IKZF1: variants seen among roughly 807,000 people sequenced by gnomAD.
IKZF1 encodes IKAROS family zinc finger 1, also known as DNA-binding protein Ikaros.
A neutral mutation model predicts 51.7 loss-of-function variants in IKZF1; 10 were observed. That is an observed-to-expected ratio of 0.19 (90% CI 0.12 to 0.33). The LOEUF is 0.33. IKZF1 is among the 10% of genes least tolerant of loss of function. The pLI is 1.00. For synonymous variants in IKZF1, 280 were observed against 282.3 expected (o/e 0.99, Z 0.08); for missense variants, 484 against 707.5 (o/e 0.68, Z 3.58).
Position 50,403,213 on chromosome 7 carries a change from G to T in IKZF1, c.*2586G>T, listed in dbSNP as rs189130519. The T allele has an allele frequency of 4.1e-5, 9 of 219,740 alleles. No homozygotes were observed. The highest frequency in any genetic ancestry group is 2.0e-4 in the African/African-American group (9 of 44,666). 13.6% of individuals were successfully genotyped at this position (219,740 alleles called of 1,614,324 possible). ...TTGAAACTATTGTATTTAAAGTAAGGTTTCATATTATGTCAGCAAGTAATT... is the reference window on the plus strand; with the variant it reads ...TTGAAACTATTGTATTTAAAGTAAGTTTTCATATTATGTCAGCAAGTAATT... On this transcript the variant is annotated 3_prime_UTR_variant, in exon 8 of 8. Transcript: ENST00000331340.
chr7:50,348,393 A>G (rs1311505124), intron 3 of IKZF1, among the ~76,000 whole-genome samples: 2 of 152,236 alleles, frequency 1.3e-5, no homozygotes, highest in Admixed American at 1.3e-4. Flanking sequence ...GGCTATTAGC[A>G]GAATTCTCAC....
chr7:50,353,020 A>G (rs1802254858), intron 3 of IKZF1, among the ~76,000 whole-genome samples: 1 of 152,168 alleles, frequency 6.6e-6, no homozygotes, highest in African/African-American at 2.4e-5. Context: ...ATGGCTGTCC[A>G]CGCCTCTTTT....
intron 3 of IKZF1, among the ~76,000 whole-genome samples, chr7:50,334,666 A>G (rs1393572379): frequency 1.4e-5 from 2 of 142,802 alleles, no homozygotes; most frequent in Non-Finnish European, 3.1e-5. Flanking sequence ...TGTAGTGTGT[A>G]TATGTGTGTG....
At chr7:50,390,234 G>A (rs1286177009) in intron 6 of IKZF1, among the ~76,000 whole-genome samples, 1 of 152,178 alleles carries the variant, frequency 6.6e-6, no homozygotes, top group Admixed American at 6.5e-5. Flanking sequence ...GCGCCATGGT[G>A]CAGAGGAAGA....
chr7:50,362,402 C>T (rs532488623), intron 3 of IKZF1, among the ~76,000 whole-genome samples: 25 of 152,194 alleles, frequency 1.6e-4, no homozygotes, highest in Admixed American at 4.6e-4. Flanking sequence ...GCACTGAAGG[C>T]GTTTTCCTGC....
intron 3 of IKZF1, among the ~76,000 whole-genome samples, chr7:50,345,819 C>G (rs1800216188): frequency 6.6e-6 from 1 of 152,194 alleles, no homozygotes; most frequent in Non-Finnish European, 1.5e-5. Flanking sequence ...AGGAGGATCA[C>G]TTGAGGTCAG....
chr7:50,342,294 TCAAA>T (rs1242056819), intron 3 of IKZF1, among the ~76,000 whole-genome samples: 3 of 152,238 alleles, frequency 2.0e-5, no homozygotes, highest in Non-Finnish European at 4.4e-5. Flanking sequence ...TGTGAACATG[TCAAA>T]CAAATCAGTT....
chr7:50,380,636 GC>G (rs925922877), intron 4 of IKZF1, among the ~76,000 whole-genome samples: 46 of 152,336 alleles, frequency 3.0e-4, no homozygotes, highest in African/African-American at 1.1e-3. Context: ...CTCCTGAGAG[GC>G]CACCCTGTCC....
At chr7:50,353,516 C>G (rs1802415947) in intron 3 of IKZF1, among the ~76,000 whole-genome samples, 1 of 152,340 alleles carries the variant, frequency 6.6e-6, no homozygotes, top group Middle Eastern at 3.4e-3. Flanking sequence ...GCCATGCTGT[C>G]ACCCTTATAA....
intron 1 of IKZF1, among the ~76,000 whole-genome samples, chr7:50,315,267 A>G (rs1420220790): frequency 1.3e-5 from 2 of 152,320 alleles, no homozygotes; most frequent in East Asian, 1.9e-4. Context: ...AGGGAGAGAC[A>G]GAGAAAGAGA....
intron 3 of IKZF1, among the ~76,000 whole-genome samples, chr7:50,360,276 G>T (rs79229197): frequency 6.6e-6 from 1 of 152,032 alleles, no homozygotes; most frequent in Admixed American, 6.5e-5. Flanking sequence ...CAGCCCTGGG[G>T]ATGAGAGGGA....
At chr7:50,340,659 C>G (rs1798866323) in intron 3 of IKZF1, among the ~76,000 whole-genome samples, 1 of 152,216 alleles carries the variant, frequency 6.6e-6, no homozygotes, top group Admixed American at 6.5e-5. Flanking sequence ...TGCAATATCT[C>G]TGTGCTCTCC....
At chr7:50,361,881 GA>G (rs972775511) in intron 3 of IKZF1, among the ~76,000 whole-genome samples, 6 of 150,006 alleles carry the variant, frequency 4.0e-5, no homozygotes, top group South Asian at 4.2e-4. Context: ...TCTCAAAAAA[GA>G]AAAAAAAAGC....
chr7:50,311,220 A>T (rs970321984), intron 1 of IKZF1, among the ~76,000 whole-genome samples: 17 of 152,228 alleles, frequency 1.1e-4, no homozygotes, highest in Admixed American at 1.0e-3. Context: ...TGGAGGAAAG[A>T]CTAAATACCC....
intron 3 of IKZF1, among the ~76,000 whole-genome samples, chr7:50,372,558 A>G (rs1562853811): frequency 6.6e-6 from 1 of 152,194 alleles, no homozygotes; most frequent in Non-Finnish European, 1.5e-5. Flanking sequence ...CATTATTTTC[A>G]GTTCCTTGGC....
chr7:50,397,885 G>A (rs1817124852), intron 7 of IKZF1, among the ~76,000 whole-genome samples: 1 of 152,136 alleles, frequency 6.6e-6, no homozygotes, highest in African/African-American at 2.4e-5. Flanking sequence ...ATCAGAGTAT[G>A]TGCCACTTCT....
chr7:50,391,486 A>C (rs1308694535), intron 6 of IKZF1, among the ~76,000 whole-genome samples: 10 of 152,180 alleles, frequency 6.6e-5, no homozygotes, highest in Admixed American at 4.6e-4. Flanking sequence ...GTGCATTTGG[A>C]CTTAAAGAGG....
At chr7:50,303,718 CTG>C (rs1788103599), upstream of IKZF1, among the ~76,000 whole-genome samples, 2 of 152,040 alleles carry the variant, frequency 1.3e-5, no homozygotes, top group South Asian at 4.1e-4. This position sits in a 1 kb window ranked among gnomAD's most constrained non-coding sequence, Gnocchi z 4.7. Context: ...CTCCCAGACA[CTG>C]GGGAAAGTGC....
At chr7:50,337,837 A>G (rs1374442822) in intron 3 of IKZF1, among the ~76,000 whole-genome samples, 1 of 152,150 alleles carries the variant, frequency 6.6e-6, no homozygotes, top group East Asian at 1.9e-4. Context: ...TGTCCCTCCC[A>G]TTGCAGGATA....
Sources: allele counts gnomAD v4.1 joint callset (sites outside exome capture counted in the v4.1 genomes callset), GRCh38; gene constraint gnomAD v4.1.1; non-coding constraint Gnocchi (gnomAD v3.1); transcripts MANE v1.5; gene names NCBI Gene and HGNC (gene_info 2026-07-23, HGNC 2026-07-21).